Variants in TRMT6 observed in about 807,000 individuals in gnomAD.
The protein encoded by TRMT6 is tRNA (adenine(58)-N(1))-methyltransferase non-catalytic subunit TRM6.
A neutral mutation model predicts 59.0 loss-of-function variants in TRMT6; 34 were observed. That is an observed-to-expected ratio of 0.58 (90% confidence interval 0.44 to 0.77). The LOEUF is 0.77. Ranked by LOEUF, TRMT6 falls within the 30% of genes least tolerant of loss-of-function variation. The pLI, the probability that TRMT6 is intolerant of heterozygous loss-of-function variation, is 0.00. For missense variants in TRMT6, 575 were observed against 604.5 expected (o/e 0.95, Z 0.51); for synonymous variants, 217 against 210.5 (o/e 1.03, Z -0.27).
chr20:5,944,738 TA>T, intron 3 of TRMT6, 66 bp downstream of exon 3: 1 of 1,300,210 alleles, frequency 7.7e-7, no homozygotes, highest in Non-Finnish European at 1.1e-6. Flanking sequence ...CAGTCTGCTT[TA>T]AAAACCCAAC....
intron 10 of TRMT6, among the ~76,000 whole-genome samples, chr20:5,939,785 C>A (rs1411188189): frequency 6.6e-6 from 1 of 152,134 alleles, no homozygotes. Context: ...TTAGCCAAGA[C>A]AGACAACCTC....
intron 1 of TRMT6, 59 bp downstream of exon 1, chr20:5,950,219 G>T: frequency 6.7e-7 from 1 of 1,490,716 alleles, no homozygotes; most frequent in South Asian, 1.3e-5. Context: ...GAAACCTGGA[G>T]GGAGGGGGTA....
At position 5,944,034 on chromosome 20, in the gene TRMT6, G is replaced by A. The variant is rs1482519696; in HGVS notation, c.459-3C>T. On this transcript the variant is annotated splice_polypyrimidine_tract_variant and splice_region_variant and intron_variant, in intron 4 of 10. Transcript: ENST00000203001. ...CAACAGTAATGATGGCTTCATATCT[G>A]GGGGAAGAAAAAACAGAACGCTGAT... 2.5e-6 allele frequency: 4 copies of A among 1,573,238 alleles called. No homozygotes were observed. Among genetic ancestry groups the A allele is most frequent in the Admixed American group, 1.8e-5 (1 of 55,482 alleles).
chr20:5,941,527 G>A (rs1283965669), intron 8 of TRMT6, 182 bp from the exon 9 acceptor site: 11 of 595,890 alleles, frequency 1.8e-5, no homozygotes, highest in Admixed American at 1.8e-4. Context: ...TCTAGGAAAC[G>A]CGAACTAGGT....
In TRMT6 at chr20:5,944,847, T is replaced by C. The variant is rs768806349; in HGVS notation, c.324A>G (p.Gln108=). 1.2e-6 allele frequency: 2 copies of C among 1,614,108 alleles called. No homozygotes were observed. Among genetic ancestry groups the C allele is most frequent in the East Asian group, 2.2e-5 (1 of 44,880 alleles). The change falls in exon 3 of 11, where the codon CAA becomes CAG. Residue 108 remains glutamine (Q), a synonymous_variant. Transcript: ENST00000203001. ...VDDGKSQKLT[Q]DDIKALKDKG... ...TGTCCTTCAAAGCTTTTATGTCATC[T>C]TGAGTAAGTTTCTGAGATTTCCCAT...
intron 5 of TRMT6, 83 bp from the exon 6 acceptor site, chr20:5,943,766 T>G: frequency 1.3e-6 from 2 of 1,554,790 alleles, no homozygotes; most frequent in Non-Finnish European, 1.7e-6. Context: ...TTTGTTTGCT[T>G]TATTAAAATT....
In TRMT6 at chr20:5,942,670, C is replaced by A. The variant is rs752615711; in HGVS notation, c.784G>T (p.Val262Leu). 3 of 1,613,938 alleles carry A rather than the reference C, an allele frequency of 1.9e-6. No homozygotes were observed. Among genetic ancestry groups the A allele is most frequent in the Non-Finnish European group, 2.5e-6 (3 of 1,180,014 alleles). The change falls in exon 7 of 11, where the codon GTG becomes TTG. Residue 262 changes from valine to leucine, a missense_variant. Val to Leu is a conservative substitution (Grantham distance 32, BLOSUM62 1). Transcript: ENST00000203001. ...AATGTTCCATGTAGAAGACTGTCCACTTTGTTGAGAGGGAATTCATAAAGA... is the reference window on the plus strand; with the variant it reads ...AATGTTCCATGTAGAAGACTGTCCAATTTGTTGAGAGGGAATTCATAAAGA... ...SGLYEFPLNK[V>L]DSLLHGTFSA... is the part of the protein sequence containing the mutation.
At position 5,937,393 on chromosome 20, in the gene TRMT6, G is replaced by A. The variant is rs1450816789; in HGVS notation, c.*1142C>T. On this transcript the variant is annotated 3_prime_UTR_variant, in exon 11 of 11. Transcript: ENST00000203001. ...ATTCTATGACAGGAGCAACGCAAACGATGACCATGTTCCAGTGAGCAAGAC... is the reference window on the plus strand; with the variant it reads ...ATTCTATGACAGGAGCAACGCAAACAATGACCATGTTCCAGTGAGCAAGAC... 2.0e-5 allele frequency: 3 copies of A among 152,308 alleles called. No homozygotes were observed. The highest frequency in any genetic ancestry group is 6.8e-3 in the Middle Eastern group (2 of 294). 9.4% of individuals were successfully genotyped at this position (152,308 alleles called of 1,614,324 possible).
Position 5,938,338 on chromosome 20 carries a change from C to A in TRMT6, c.*197G>T. On this transcript the variant is annotated 3_prime_UTR_variant, in exon 11 of 11. Coordinates refer to ENST00000203001, the MANE Select transcript of TRMT6 (RefSeq NM_015939.5). ...ATGCAGTTGGTCATACTACATACCC[C>A]ATGGTTGCAGTTTTGACAGACCAAA... The A allele has an allele frequency of 1.8e-6, 1 of 551,754 alleles. No individual in the cohort carries two copies. Among genetic ancestry groups the A allele is most frequent in the East Asian group, 2.8e-5 (1 of 35,456 alleles). 34.2% of individuals were successfully genotyped at this position (551,754 alleles called of 1,614,324 possible). A position where few individuals can be genotyped will look rare whatever the true frequency, so the allele number is the denominator to read the frequency against.
At chr20:5,946,328 T>C in intron 2 of TRMT6, 78 bp downstream of exon 2, 5 of 1,578,814 alleles carry the variant, frequency 3.2e-6, no homozygotes, top group Non-Finnish European at 4.3e-6. Flanking sequence ...GGCCTAGCAC[T>C]TGGGAATTAG....
chr20:5,938,584 G>T lies in TRMT6; in HGVS notation c.1445C>A (p.Thr482Asn), dbSNP rs1185153495. The T allele has an allele frequency of 6.2e-7, 1 of 1,614,206 alleles. No homozygotes were observed. Residue 482 changes from threonine (T) to asparagine (N), a missense_variant, in exon 11 of 11, where the codon ACT becomes AAT. Coordinates refer to ENST00000203001, the MANE Select transcript of TRMT6 (RefSeq NM_015939.5). ...SNASTLESHE[T>N]EEPAAKKRKC... ...TCGTTTTTTAGCTGCAGGCTCCTCA[G>T]TCTCGTGTGATTCTAAAGTGCTTGC...
At chr20:5,947,211 T>C (rs1164472941) in intron 1 of TRMT6, among the ~76,000 whole-genome samples, 2 of 152,240 alleles carry the variant, frequency 1.3e-5, no homozygotes, top group Non-Finnish European at 2.9e-5. Context: ...AATTCAAATC[T>C]GTGTCTGACC....
At chr20:5,948,703 G>GA in intron 1 of TRMT6, among the ~76,000 whole-genome samples, 1 of 151,662 alleles carries the variant, frequency 6.6e-6, no homozygotes, top group Non-Finnish European at 1.5e-5. Context: ...GTTTAAAAAA[G>GA]AAAAAAAAGA....
rs1385529056 is a variant in TRMT6, at chr20:5,941,310, A to G, written c.1148T>C (p.Leu383Pro). 5 of 1,614,186 alleles carry G rather than the reference A, an allele frequency of 3.1e-6. No individual in the cohort carries two copies. The highest frequency in any genetic ancestry group is 2.2e-5 in the South Asian group (2 of 91,086). The change falls in exon 9 of 11, where the codon CTG (leucine) becomes CCG (proline). Residue 383 changes from leucine (L) to proline (P), a missense_variant. By Grantham distance (98) the Leu-to-Pro change is moderately conservative. Coordinates refer to ENST00000203001, the MANE Select transcript of TRMT6 (RefSeq NM_015939.5). Reference sequence around the variant, plus strand: ...CACAAAGTCCAGCAAAGACAGCAGCAGGGGAGTGGGGTGGAAACGACTAGC... The same window carrying G: ...CACAAAGTCCAGCAAAGACAGCAGCGGGGGAGTGGGGTGGAAACGACTAGC... ...IVASRFHPTP[L>P]LLSLLDFVAP...
chr20:5,942,221 G>A, intron 7 of TRMT6, 185 bp from the exon 8 acceptor site: 1 of 712,386 alleles, frequency 1.4e-6, no homozygotes, highest in Non-Finnish European at 2.4e-6. Flanking sequence ...CCATGATTAA[G>A]CTATCTATGC....
chr20:5,942,388 C>T (rs888165794), intron 7 of TRMT6, 40 bp downstream of exon 7: 1 of 1,549,652 alleles, frequency 6.5e-7, no homozygotes, highest in Non-Finnish European at 8.9e-7. Flanking sequence ...AACTGAGGGA[C>T]TGAGATTATG....
chr20:5,941,559 G>T, intron 8 of TRMT6: 1 of 568,640 alleles, frequency 1.8e-6, no homozygotes, highest in Non-Finnish European at 3.1e-6. Flanking sequence ...GTGGTACTTG[G>T]CAACTCTAAG....
At chr20:5,950,141 G>A (rs925367272) in intron 1 of TRMT6, 137 bp downstream of exon 1, 9 of 885,154 alleles carry the variant, frequency 1.0e-5, no homozygotes, top group Non-Finnish European at 1.5e-5. Context: ...GACCCGAGGA[G>A]ACAACGAGGG....
intron 2 of TRMT6, among the ~76,000 whole-genome samples, chr20:5,945,227 G>A (rs909611733): frequency 6.6e-6 from 1 of 152,182 alleles, no homozygotes; most frequent in African/African-American, 2.4e-5. Flanking sequence ...CTCCAAAGAT[G>A]ACCTGCAAGG....
Sources: allele counts gnomAD v4.1 joint callset (sites outside exome capture counted in the v4.1 genomes callset), GRCh38; gene constraint gnomAD v4.1.1; transcripts MANE v1.5; gene names NCBI Gene and HGNC (gene_info 2026-07-23, HGNC 2026-07-21).